MDGA1: variants seen among roughly 807,000 people sequenced by gnomAD.
MDGA1 encodes MAM domain-containing glycosylphosphatidylinositol anchor protein 1.
In MDGA1, 54 loss-of-function variants were observed where a neutral mutation model predicts 101.5. The observed-to-expected ratio is 0.53, with a 90% CI of 0.43 to 0.67. MDGA1 has a LOEUF of 0.67. MDGA1 is among the 30% of genes least tolerant of loss of function. MDGA1 has a pLI of 0.00. For synonymous variants in MDGA1, 533 were observed against 558.3 expected (o/e 0.95, Z 0.64); for missense variants, 1,083 against 1,323.8 (o/e 0.82, Z 2.82).
Position 37,652,088 on chromosome 6 carries a change from G to A in MDGA1, c.1235C>T (p.Thr412Ile), listed in dbSNP as rs1462520664. ...TGGGAAAGAAGCCATGCACAGGTAG[G>A]TGCCATAGTCACTGAAGTGCAGGTC... ...LIDLHFSDYG[T>I]YLCMASFPGA... Residue 412 changes from threonine (T) to isoleucine (I), a missense_variant, in exon 7 of 17, where the codon ACC (threonine) becomes ATC (isoleucine). Thr to Ile is a moderately conservative substitution (Grantham distance 89, BLOSUM62 -1). Transcript: ENST00000434837. The surrounding 1 kb of genome is among the most constrained non-coding windows in gnomAD (Gnocchi z 4.3). 12 of 1,613,500 alleles carry A rather than the reference G, an allele frequency of 7.4e-6. No individual in the cohort carries two copies. The highest frequency in any genetic ancestry group is 1.3e-5 in the African/African-American group (1 of 74,942).
rs766994715 is a variant in MDGA1, at chr6:37,652,160, C to A, written c.1163G>T (p.Arg388Leu). The A allele has an allele frequency of 6.2e-7, 1 of 1,613,794 alleles. No individual in the cohort carries two copies. Among genetic ancestry groups the A allele is most frequent in the South Asian group, 1.1e-5 (1 of 91,090 alleles). Residue 388 changes from arginine (R) to leucine (L), a missense_variant, in exon 7 of 17, where the codon CGC (arginine) becomes CTC (leucine). Physicochemically the swap from Arg to Leu is moderately radical, Grantham distance 102. Coordinates refer to ENST00000434837, the MANE Select transcript of MDGA1 (RefSeq NM_153487.4). This position sits in a 1 kb window ranked among gnomAD's most constrained non-coding sequence, Gnocchi z 4.3. ...ARMSKRLLVT[R>L]NDPELPAVTS... is the part of the protein sequence containing the mutation. ...GACTGCGGGCAGCTCAGGATCATTG[C>A]GGGTCACCAGCAGCCGCTTGGACAT...
In MDGA1 at chr6:37,696,769, G is replaced by T; in HGVS notation, c.43C>A (p.His15Asn). 1 of 1,584,796 alleles carries T rather than the reference G, an allele frequency of 6.3e-7. No homozygotes were observed. Residue 15 changes from histidine (H) to asparagine (N), a missense_variant, in exon 1 of 17, where the codon CAC (histidine) becomes AAC (asparagine). By Grantham distance (68) the His-to-Asn change is moderately conservative (BLOSUM62 1). Transcript: ENST00000434837. The surrounding 1 kb of genome is among the most constrained non-coding windows in gnomAD (Gnocchi z 5.6). ...CCGTAGACTCCTTGTCCCCGGCAGT[G>T]GAAGGGGATCAGCGCCAGAAGTAGA... ...CLLLLALIPF[H>N]CRGQGVYAPA...
rs1335555507 is a variant in MDGA1, at chr6:37,633,488, C to T, written c.*3880G>A. 4 of 152,300 alleles carry T rather than the reference C, an allele frequency of 2.6e-5. No homozygotes were observed. The highest frequency in any genetic ancestry group is 9.6e-5 in the African/African-American group (4 of 41,468). The allele number at this position is 152,300 out of a possible 1,614,324, so 9.4% of individuals were successfully genotyped here. ...AACCAAGAGGATGAGCACATGAGAA[C>T]ATGCTGACCTTCACTCCTAGCCCAA... is the stretch of plus-strand genomic sequence containing the variant. On this transcript the variant is annotated 3_prime_UTR_variant, in exon 17 of 17. Transcript: ENST00000434837.
chr6:37,685,080 T>C (rs557597187), intron 1 of MDGA1, among the ~76,000 whole-genome samples: 3 of 152,210 alleles, frequency 2.0e-5, no homozygotes, highest in Admixed American at 6.5e-5. Context: ...GGCGGGCAGA[T>C]TGCTTGAGCC....
intron 14 of MDGA1, chr6:37,641,916 G>A (rs1453251292): frequency 7.9e-5 from 12 of 152,122 alleles, no homozygotes; most frequent in Non-Finnish European, 2.9e-5. Flanking sequence ...CTCCATTCTT[G>A]TTCATCAGTT....
chr6:37,659,979 C>T (rs1761582524), intron 2 of MDGA1, among the ~76,000 whole-genome samples: 1 of 151,432 alleles, frequency 6.6e-6, no homozygotes, highest in South Asian at 2.1e-4. Flanking sequence ...ATGCTTTATG[C>T]ATCTGAGAGT....
chr6:37,692,445 T>G (rs1581636510), intron 1 of MDGA1, among the ~76,000 whole-genome samples: 8 of 88,144 alleles, frequency 9.1e-5, no homozygotes, highest in South Asian at 4.4e-4. Context: ...CAGGGGGGAG[T>G]GGCAGGGACG....
At chr6:37,665,759 C>A (rs1172368118) in intron 1 of MDGA1, among the ~76,000 whole-genome samples, 1 of 152,198 alleles carries the variant, frequency 6.6e-6, no homozygotes, top group Admixed American at 6.5e-5. Context: ...TTCTGTGTCA[C>A]CTTTTGACAC....
At position 37,638,451 on chromosome 6, in the gene MDGA1, GGAA is replaced by G. The variant is rs1763985525; in HGVS notation, c.2667+83_2667+85del. 10 of 1,586,286 alleles carry G rather than the reference GGAA, an allele frequency of 6.3e-6. No homozygotes were observed. The highest frequency in any genetic ancestry group is 1.1e-5 in the South Asian group (1 of 89,188). ...TGACTCTTTCCATCCTTAGCCCCCAGGAAGAAGGACAAGGTTTTCCTAAGTGTT... is the reference window on the plus strand; with the variant it reads ...TGACTCTTTCCATCCTTAGCCCCCAGGAAGGACAAGGTTTTCCTAAGTGTT... On this transcript the variant is annotated intron_variant, in intron 15 of 16. Transcript: ENST00000434837. The surrounding 1 kb of genome is among the most constrained non-coding windows in gnomAD (Gnocchi z 4.8).
intron 9 of MDGA1, chr6:37,648,001 C>A (rs1055852683): frequency 3.9e-5 from 6 of 152,390 alleles, no homozygotes; most frequent in African/African-American, 1.4e-4. Flanking sequence ...GGCGCTGCCA[C>A]CAGCTTTTGC....
chr6:37,661,967 C>G (rs1034690359), intron 2 of MDGA1, among the ~76,000 whole-genome samples: 5 of 147,274 alleles, frequency 3.4e-5, no homozygotes, highest in Admixed American at 6.9e-5. Flanking sequence ...CCAGCATAGG[C>G]AACATGGTGA....
chr6:37,633,502 C>G lies in MDGA1; in HGVS notation c.*3866G>C, dbSNP rs1419595901. The G allele has an allele frequency of 6.6e-6, 1 of 152,316 alleles. No homozygotes were observed. The highest frequency in any genetic ancestry group is 1.5e-5 in the Non-Finnish European group (1 of 68,090). The allele number at this position is 152,316 out of a possible 1,614,324, so 9.4% of individuals were successfully genotyped here. A position where few individuals can be genotyped will look rare whatever the true frequency, so the allele number is the denominator to read the frequency against. ...GCACATGAGAACATGCTGACCTTCA[C>G]TCCTAGCCCAAGCTCTTGTGAAGTC... On this transcript the variant is annotated 3_prime_UTR_variant, in exon 17 of 17. Transcript: ENST00000434837.
intron 8 of MDGA1, 72 bp downstream of exon 8, chr6:37,650,037 G>A: frequency 6.3e-7 from 1 of 1,588,322 alleles, no homozygotes; most frequent in Non-Finnish European, 8.6e-7. Context: ...GTGAGAGGAT[G>A]AAGAGGGGAC....
intron 14 of MDGA1, chr6:37,643,343 G>T (rs1764137008): frequency 6.4e-6 from 1 of 156,844 alleles, no homozygotes; most frequent in Non-Finnish European, 1.4e-5. Context: ...TACAATCTCA[G>T]CTCACTGCAA....
At chr6:37,670,786 C>T (rs7769372) in intron 1 of MDGA1, among the ~76,000 whole-genome samples, 26,908 of 152,034 alleles carry the variant, frequency 0.18, 3,131 homozygotes, top group East Asian at 0.35. Context: ...CTCAGTTCTG[C>T]GAAGCAGAAA....
intron 3 of MDGA1, among the ~76,000 whole-genome samples, chr6:37,656,889 G>A (rs1761501310): frequency 6.6e-6 from 1 of 152,292 alleles, no homozygotes; most frequent in South Asian, 2.1e-4. Context: ...TAGCTTAGTA[G>A]TTCTTGGCCC....
chr6:37,646,354 C>T lies in MDGA1; in HGVS notation c.2068G>A (p.Val690Ile). ...IRQLNQHNAV[V>I]KAIPVRRVEK... is the part of the protein sequence containing the mutation. The stretch of plus-strand genomic sequence containing the variant: ...ACACGCCGGACCGGGATGGCCTTGA[C>T]CACCGCATTGTGCTGGTTCAACTGT... The change falls in exon 11 of 17, where the codon GTC becomes ATC. Residue 690 changes from valine to isoleucine, a missense_variant. Physicochemically the swap from Val to Ile is conservative, Grantham distance 29. Coordinates refer to ENST00000434837, the MANE Select transcript of MDGA1 (RefSeq NM_153487.4). 6.4e-7 allele frequency: 1 copy of T among 1,553,646 alleles called. No homozygotes were observed. The highest frequency in any genetic ancestry group is 1.2e-5 in the South Asian group (1 of 81,116).
intron 1 of MDGA1, among the ~76,000 whole-genome samples, chr6:37,667,434 C>T (rs1329583690): frequency 6.6e-6 from 1 of 152,210 alleles, no homozygotes; most frequent in Non-Finnish European, 1.5e-5. Context: ...TTTCAACTCA[C>T]ACTTTCTATG....
Position 37,655,071 on chromosome 6 carries a change from T to C in MDGA1, c.580-139A>G. The C allele has an allele frequency of 9.1e-7, 1 of 1,094,858 alleles. No homozygotes were observed. The highest frequency in any genetic ancestry group is 1.3e-6 in the Non-Finnish European group (1 of 776,548). 67.8% of individuals were successfully genotyped at this position (1,094,858 alleles called of 1,614,324 possible). On this transcript the variant is annotated intron_variant, in intron 4 of 16. Coordinates refer to ENST00000434837, the MANE Select transcript of MDGA1 (RefSeq NM_153487.4). This position sits in a 1 kb window ranked among gnomAD's most constrained non-coding sequence, Gnocchi z 5.1. The stretch of plus-strand genomic sequence containing the variant: ...TCCATCCCCAACCCCACCCTCACCA[T>C]TTAGCCCCAGGGGTCCTGAGCCTGG...
Sources: allele counts gnomAD v4.1 joint callset (sites outside exome capture counted in the v4.1 genomes callset), GRCh38; gene constraint gnomAD v4.1.1; non-coding constraint Gnocchi (gnomAD v3.1); transcripts MANE v1.5; gene names NCBI Gene and HGNC (gene_info 2026-07-23, HGNC 2026-07-21).